Variants in LEMD3 observed in about 807,000 individuals in gnomAD.
The protein encoded by LEMD3 is inner nuclear membrane protein Man1.
A neutral mutation model predicts 95.2 loss-of-function variants in LEMD3; 33 were observed. The ratio of observed to expected loss-of-function variants is 0.35; its 90% CI spans 0.26 to 0.46. The LOEUF is 0.46. LEMD3 is among the 20% of genes least tolerant of loss of function. LEMD3 has a pLI of 1.00. For synonymous variants in LEMD3, 525 were observed against 474.6 expected (o/e 1.11, Z -1.38); for missense variants, 1,210 against 1,192.8 (o/e 1.01, Z -0.21).
intron 4 of LEMD3, among the ~76,000 whole-genome samples, chr12:65,236,451 G>A (rs917023060): frequency 6.6e-6 from 1 of 152,074 alleles, no homozygotes; most frequent in South Asian, 2.1e-4. Context: ...TTGGGAGGCT[G>A]AGGCACAAGA....
intron 1 of LEMD3, among the ~76,000 whole-genome samples, chr12:65,173,501 A>G (rs1868619923): frequency 6.6e-6 from 1 of 152,172 alleles, no homozygotes; most frequent in Admixed American, 6.5e-5. Context: ...ACTTGTCTGA[A>G]TGACTGTGGT....
At chr12:65,214,929 T>G (rs1870055233) in intron 2 of LEMD3, among the ~76,000 whole-genome samples, 1 of 152,210 alleles carries the variant, frequency 6.6e-6, no homozygotes, top group Non-Finnish European at 1.5e-5. Context: ...GCTGTACCAT[T>G]GCAATAATTC....
intron 1 of LEMD3, among the ~76,000 whole-genome samples, chr12:65,185,299 A>G (rs1869027384): frequency 6.6e-6 from 1 of 152,154 alleles, no homozygotes; most frequent in Non-Finnish European, 1.5e-5. Flanking sequence ...GCCTCTCTAA[A>G]TTGTTCTTTA....
chr12:65,241,135 A>G (rs776670715), intron 9 of LEMD3, 48 bp downstream of exon 9: 1 of 1,503,024 alleles, frequency 6.7e-7, no homozygotes, highest in South Asian at 1.1e-5. Flanking sequence ...TAATTTTTCA[A>G]AATGACAAAT....
chr12:65,201,155 T>C (rs973628920), intron 1 of LEMD3, among the ~76,000 whole-genome samples: 2 of 152,174 alleles, frequency 1.3e-5, no homozygotes, highest in Non-Finnish European at 2.9e-5. Context: ...TTCACTGATC[T>C]TTTTGTCTGT....
intron 1 of LEMD3, among the ~76,000 whole-genome samples, chr12:65,184,813 G>A (rs1236646983): frequency 6.6e-6 from 1 of 152,114 alleles, no homozygotes; most frequent in Non-Finnish European, 1.5e-5. Flanking sequence ...TTATAGGGCA[G>A]GGAGAGGAGT....
chr12:65,228,402 A>AT (rs71096032), intron 4 of LEMD3, among the ~76,000 whole-genome samples: 1,840 of 140,572 alleles, frequency 0.013, 24 homozygotes, highest in Non-Finnish European at 0.02. Flanking sequence ...TTATTTATTT[A>AT]TTTTTTTTTT....
At position 65,180,989 on chromosome 12, in the gene LEMD3, A is replaced by AACACACACACACACACACACACACACAC. The variant is rs71096029; in HGVS notation, c.1522+9892_1522+9893insCACACACACACACACACACACACACACA. On this transcript the variant is annotated intron_variant, in intron 1 of 12. Transcript: ENST00000308330. ...TCATATATATCTGAGTATGTACACAAACACACACACACACACACACAATTT... is the reference window on the plus strand; with the variant it reads ...TCATATATATCTGAGTATGTACACAAACACACACACACACACACACACACACACACACACACACACACACACACAATTT... 3.1e-4 allele frequency among the ~76,000 whole-genome samples: 46 copies of AACACACACACACACACACACACACACAC among 149,276 alleles called. 1 individual carries two copies. The highest frequency in any genetic ancestry group is 1.1e-3 in the African/African-American group (44 of 40,062).
chr12:65,210,158 A>G (rs1307534150), intron 1 of LEMD3, among the ~76,000 whole-genome samples: 1 of 152,076 alleles, frequency 6.6e-6, no homozygotes, highest in African/African-American at 2.4e-5. Flanking sequence ...TTGGATGGAA[A>G]GTGGTAAATC....
intron 1 of LEMD3, among the ~76,000 whole-genome samples, chr12:65,202,822 A>G (rs1288246621): frequency 6.6e-6 from 1 of 152,138 alleles, no homozygotes; most frequent in African/African-American, 2.4e-5. Flanking sequence ...CAAGGTTGTC[A>G]AATTTGTGGG....
At chr12:65,202,792 G>A (rs1301396886) in intron 1 of LEMD3, among the ~76,000 whole-genome samples, 1 of 152,036 alleles carries the variant, frequency 6.6e-6, no homozygotes, top group East Asian at 1.9e-4. Flanking sequence ...TGTGTCTTTC[G>A]AGGAATTGGT....
In LEMD3 at chr12:65,170,971, C is replaced by A; in HGVS notation, c.1375C>A (p.Arg459=). ...PEEELLQQFK[R]EEVSPTGSFS... ...AGAGGAACTTCTCCAGCAATTTAAA[C>A]GGGAGGAGGTGTCCCCAACAGGGAG... The change falls in exon 1 of 13, where the codon CGG becomes AGG. Residue 459 remains arginine (R), a synonymous_variant. Coordinates refer to ENST00000308330, the MANE Select transcript of LEMD3 (RefSeq NM_014319.5). 1.2e-6 allele frequency: 2 copies of A among 1,614,216 alleles called. No homozygotes were observed. The highest frequency in any genetic ancestry group is 1.7e-6 in the Non-Finnish European group (2 of 1,180,038).
In LEMD3 at chr12:65,243,510, A is replaced by G. The variant is rs1469888836; in HGVS notation, c.2387+41A>G. On this transcript the variant is annotated intron_variant, in intron 10 of 12. Coordinates refer to ENST00000308330, the MANE Select transcript of LEMD3 (RefSeq NM_014319.5). ...AGGGGTACATGTAACTCTTATTCTG[A>G]ATATTTGGCTGGAAAATGCATGATA... is the stretch of plus-strand genomic sequence containing the variant. 2.6e-6 allele frequency: 3 copies of G among 1,155,536 alleles called. No individual in the cohort carries two copies. In the Admixed American group the frequency reaches 5.0e-5, roughly 19 times the overall value. 71.6% of individuals were successfully genotyped at this position (1,155,536 alleles called of 1,614,324 possible). A position where few individuals can be genotyped will look rare whatever the true frequency, so the allele number is the denominator to read the frequency against.
chr12:65,243,838 G>A (rs1489269084), intron 10 of LEMD3, among the ~76,000 whole-genome samples: 1 of 152,116 alleles, frequency 6.6e-6, no homozygotes, highest in African/African-American at 2.4e-5. Context: ...TACAATCACT[G>A]CTGCTTACAA....
intron 9 of LEMD3, 68 bp downstream of exon 9, chr12:65,241,155 G>A: frequency 7.5e-7 from 1 of 1,335,780 alleles, no homozygotes; most frequent in East Asian, 2.4e-5. Context: ...TATGTGTTAA[G>A]TGAAACAGTA....
intron 4 of LEMD3, among the ~76,000 whole-genome samples, chr12:65,233,124 C>T (rs930394456): frequency 3.3e-5 from 5 of 152,074 alleles, no homozygotes; most frequent in Admixed American, 3.3e-4. Flanking sequence ...GTATTAGACC[C>T]ATTTCATAAA....
chr12:65,228,348 A>C (rs968419729), intron 4 of LEMD3, among the ~76,000 whole-genome samples: 1 of 148,152 alleles, frequency 6.7e-6, no homozygotes, highest in East Asian at 2.0e-4. Flanking sequence ...ATATTAATGA[A>C]CTGTAGCTTT....
intron 1 of LEMD3, among the ~76,000 whole-genome samples, chr12:65,185,549 T>C (rs1427541998): frequency 1.3e-5 from 2 of 152,058 alleles, no homozygotes; most frequent in African/African-American, 4.8e-5. Context: ...GGTCATATTT[T>C]CTTAATATAA....
intron 1 of LEMD3, among the ~76,000 whole-genome samples, chr12:65,180,992 A>G (rs944556327): frequency 8.6e-5 from 13 of 151,006 alleles, no homozygotes; most frequent in Non-Finnish European, 1.6e-4. Flanking sequence ...GTACACAAAC[A>G]CACACACACA....
Sources: gnomAD v4.1 joint callset for allele counts (sites outside exome capture counted in the v4.1 genomes callset) on GRCh38, gnomAD v4.1.1 for gene constraint, MANE v1.5 for transcripts, NCBI Gene and HGNC (gene_info 2026-07-23, HGNC 2026-07-21) for gene names.